Variants in TSNARE1 observed in about 807,000 individuals in gnomAD.
The protein encoded by TSNARE1 is t-SNARE domain containing 1.
A neutral mutation model predicts 62.0 loss-of-function variants in TSNARE1; 49 were observed. The ratio of observed to expected loss-of-function variants is 0.79; its 90% CI spans 0.63 to 1.00. The LOEUF is 1.00. TSNARE1 is among the 50% of genes least tolerant of loss of function. TSNARE1 has a pLI of 0.00. For missense variants in TSNARE1, 755 were observed against 700.1 expected, an observed-to-expected ratio of 1.08 and a Z score of -0.88; for synonymous variants, 328 against 294.4, an observed-to-expected ratio of 1.11 and a Z score of -1.17.
At chr8:142,274,477 G>T (rs1031781774) in intron 12 of TSNARE1, 1 of 985,358 alleles carries the variant, frequency 1.0e-6, no homozygotes, top group African/African-American at 1.7e-5. Context: ...GAGGTGGAGC[G>T]GGAAGGCCCC....
At chr8:142,237,403 T>C (rs1233242056) in intron 12 of TSNARE1, among the ~76,000 whole-genome samples, 1 of 152,176 alleles carries the variant, frequency 6.6e-6, no homozygotes, top group Non-Finnish European at 1.5e-5. Context: ...ACCTCCCTGC[T>C]GAATATCCCC....
In TSNARE1 at chr8:142,379,686, GC is replaced by G. The variant is rs1836593529; in HGVS notation, c.-40+23417del. Among the ~76,000 whole-genome samples the G allele has an allele frequency of 2.0e-5, 3 of 152,194 alleles. No homozygotes were observed. The South Asian group carries it at 6.2e-4, about 31-fold the overall frequency. ...AGAGAGACCCCACCAGACAGACGCA[GC>G]CCCCAGTGCTCCGCCCAAGCCCCCA... On this transcript the variant is annotated intron_variant, in intron 1 of 13. Transcript: ENST00000524325.
intron 4 of TSNARE1, among the ~76,000 whole-genome samples, chr8:142,332,708 C>T (rs902955574): frequency 1.3e-5 from 2 of 152,166 alleles, no homozygotes; most frequent in African/African-American, 4.8e-5. Context: ...CACACACTCG[C>T]CCTCTGTCCA....
chr8:142,247,070 C>A (rs567677547), intron 12 of TSNARE1, among the ~76,000 whole-genome samples: 2 of 152,304 alleles, frequency 1.3e-5, no homozygotes, highest in African/African-American at 4.8e-5. Context: ...CTGGAGAAAC[C>A]CCGATGCCAG....
chr8:142,369,187 G>C (rs1017193747), intron 1 of TSNARE1, among the ~76,000 whole-genome samples: 2 of 152,178 alleles, frequency 1.3e-5, no homozygotes, highest in African/African-American at 4.8e-5. Context: ...ACAGGAGGAA[G>C]CCCAACACTG....
intron 1 of TSNARE1, among the ~76,000 whole-genome samples, chr8:142,374,803 G>T (rs373527823): frequency 2.0e-5 from 3 of 152,196 alleles, no homozygotes; most frequent in Admixed American, 6.5e-5. Flanking sequence ...GTGGGGGCAG[G>T]GAGGGGCTGG....
intron 1 of TSNARE1, among the ~76,000 whole-genome samples, chr8:142,397,960 C>G (rs1019187008): frequency 5.3e-5 from 8 of 152,130 alleles, no homozygotes; most frequent in African/African-American, 1.9e-4. Context: ...AGCCTGGGCC[C>G]CGGGTTCCCT....
At chr8:142,296,608 C>G (rs1388989157) in intron 10 of TSNARE1, among the ~76,000 whole-genome samples, 1 of 151,996 alleles carries the variant, frequency 6.6e-6, no homozygotes, top group Non-Finnish European at 1.5e-5. Context: ...AAGGGCCGCT[C>G]ACCTTCTGTC....
intron 9 of TSNARE1, among the ~76,000 whole-genome samples, chr8:142,303,261 C>A (rs946313039): frequency 6.6e-6 from 1 of 152,098 alleles, no homozygotes; most frequent in African/African-American, 2.4e-5. Context: ...GCTCTGTGAG[C>A]GCTCCTGGGG....
At chr8:142,376,630 G>T (rs1428661879) in intron 1 of TSNARE1, among the ~76,000 whole-genome samples, 1 of 152,196 alleles carries the variant, frequency 6.6e-6, no homozygotes, top group African/African-American at 2.4e-5. Flanking sequence ...TCACCAGCCA[G>T]TTCATGGTAT....
At chr8:142,330,852 C>A (rs752421127) in intron 6 of TSNARE1, 49 bp downstream of exon 6, 3 of 1,594,414 alleles carry the variant, frequency 1.9e-6, no homozygotes, top group Non-Finnish European at 1.7e-6. Flanking sequence ...CCCTGCCCCC[C>A]AATGTGCACC....
At chr8:142,371,491 G>A (rs1268335292) in intron 1 of TSNARE1, among the ~76,000 whole-genome samples, 1 of 152,152 alleles carries the variant, frequency 6.6e-6, no homozygotes, top group Non-Finnish European at 1.5e-5. Context: ...ACTTAAAAGA[G>A]TAAATTTTAT....
At chr8:142,279,993 A>G in intron 11 of TSNARE1, 1 of 1,168,202 alleles carries the variant, frequency 8.6e-7, no homozygotes, top group Non-Finnish European at 1.1e-6. Context: ...TGCGCACAGC[A>G]CCTCGCAGGT....
rs1563750434 is a variant in TSNARE1 at position 142,217,360 on chromosome 8, AAAGAAAGAAAGAAAAAAGG to A, written c.*12-5066_*12-5048del. The stretch of plus-strand genomic sequence containing the variant: ...GAAAGAAAGAAAGAAAGAAAGAAAG[AAAGAAAGAAAGAAAAAAGG>A]GAAAGAAAGAAAAAGCAAGCAAGCA... On this transcript the variant is annotated intron_variant, in intron 13 of 13. Transcript: ENST00000524325. 2.6e-3 allele frequency among the ~76,000 whole-genome samples: 382 copies of A among 147,784 alleles called. 6 individuals carry two copies. Among genetic ancestry groups the A allele is most frequent in the Admixed American group, 0.016 (228 of 14,530 alleles).
chr8:142,313,118 G>A (rs971622383), intron 9 of TSNARE1, among the ~76,000 whole-genome samples: 55 of 152,000 alleles, frequency 3.6e-4, no homozygotes, highest in African/African-American at 1.1e-3. Flanking sequence ...CTGTTTATCC[G>A]TGTGTCTGCA....
intron 2 of TSNARE1, among the ~76,000 whole-genome samples, chr8:142,353,523 G>A (rs1008784053): frequency 1.3e-5 from 2 of 152,178 alleles, no homozygotes; most frequent in African/African-American, 4.8e-5. Context: ...TATCACCAAT[G>A]GCCATCTGCA....
intron 1 of TSNARE1, among the ~76,000 whole-genome samples, chr8:142,382,324 C>T (rs751465900): frequency 9.2e-5 from 14 of 152,308 alleles, no homozygotes; most frequent in African/African-American, 1.9e-4. Flanking sequence ...AAGCACCGAT[C>T]GCTAACGGCA....
intron 10 of TSNARE1, among the ~76,000 whole-genome samples, chr8:142,294,989 G>T (rs1230086777): frequency 6.6e-6 from 1 of 152,178 alleles, no homozygotes; most frequent in Non-Finnish European, 1.5e-5. Context: ...CCGGAGTCCT[G>T]GGAGGCTCGG....
At chr8:142,266,017 T>C (rs1245548946) in intron 12 of TSNARE1, among the ~76,000 whole-genome samples, 2 of 152,242 alleles carry the variant, frequency 1.3e-5, no homozygotes, top group African/African-American at 2.4e-5. Flanking sequence ...TGGCTTCTCT[T>C]TTCATTCCCT....
Sources: allele counts gnomAD v4.1 joint callset (sites outside exome capture counted in the v4.1 genomes callset), GRCh38; gene constraint gnomAD v4.1.1; transcripts MANE v1.5; gene names NCBI Gene and HGNC (gene_info 2026-07-23, HGNC 2026-07-21).